IL1RAPL1: variants seen among roughly 807,000 people sequenced by gnomAD.
IL1RAPL1 encodes the protein interleukin 1 receptor accessory protein like 1, also known as interleukin-1 receptor accessory protein-like 1.
A neutral mutation model predicts 48.4 loss-of-function variants in IL1RAPL1; 3 were observed. The ratio of observed to expected loss-of-function variants is 0.06; its 90% CI spans 0.03 to 0.16. The LOEUF (loss-of-function observed/expected upper bound fraction) is 0.16. Ranked by LOEUF, IL1RAPL1 falls within the 10% of genes least tolerant of loss-of-function variation. The pLI is 1.00. For missense variants in IL1RAPL1, 349 were observed against 530.6 expected (o/e 0.66, Z 3.36); for synonymous variants, 185 against 187.7 (o/e 0.99, Z 0.12).
At chrX:29,245,705 A>C (rs892089796) in intron 2 of IL1RAPL1, among the ~76,000 whole-genome samples, 2 of 111,356 alleles carry the variant, frequency 1.8e-5, no homozygotes, top group South Asian at 7.4e-4. Context: ...GATTGCAAAA[A>C]TTTTCTCCCA....
chrX:29,122,093 C>T lies in IL1RAPL1; in HGVS notation c.83-160845C>T, dbSNP rs370542746. The stretch of plus-strand genomic sequence containing the variant: ...TATTCAACAAGCAAGAGTATTCATC[C>T]AGCATTAGGAAAATATTTTATCTTT... On this transcript the variant is annotated intron_variant, in intron 2 of 10. Coordinates refer to ENST00000378993, the MANE Select transcript of IL1RAPL1 (RefSeq NM_014271.4). Among the ~76,000 whole-genome samples, 9 of 110,674 alleles carry T rather than the reference C, an allele frequency of 8.1e-5. No individual in the cohort carries two copies. The South Asian group carries it at 1.5e-3, about 18-fold the overall frequency.
At chrX:28,981,020 G>T (rs1366665237) in intron 2 of IL1RAPL1, among the ~76,000 whole-genome samples, 1 of 92,123 alleles carries the variant, frequency 1.1e-5, no homozygotes, top group Non-Finnish European at 2.1e-5. Flanking sequence ...GAGCCTGGGA[G>T]ATTGAGAGTG....
At chrX:29,891,621 A>G in intron 6 of IL1RAPL1, among the ~76,000 whole-genome samples, 1 of 111,745 alleles carries the variant, frequency 8.9e-6, no homozygotes, top group Middle Eastern at 4.6e-3. Flanking sequence ...AAAGATTATG[A>G]TACACACTCT....
intron 2 of IL1RAPL1, among the ~76,000 whole-genome samples, chrX:29,212,501 G>T (rs188057871): frequency 9.0e-6 from 1 of 110,872 alleles, no homozygotes; most frequent in Non-Finnish European, 1.9e-5. Context: ...TAGAGACGGG[G>T]TTTCTGCATG....
chrX:28,680,773 G>T (rs1294477858), intron 1 of IL1RAPL1, among the ~76,000 whole-genome samples: 1 of 111,849 alleles, frequency 8.9e-6, no homozygotes, highest in African/African-American at 3.2e-5. Flanking sequence ...TGATCGATAT[G>T]TTGAATCATC....
chrX:29,535,699 A>C (rs1921207134), intron 5 of IL1RAPL1, among the ~76,000 whole-genome samples: 1 of 112,299 alleles, frequency 8.9e-6, no homozygotes, highest in Non-Finnish European at 1.9e-5. Context: ...GGATCTCGAT[A>C]AAATATTGAA....
intron 5 of IL1RAPL1, among the ~76,000 whole-genome samples, chrX:29,590,236 A>G (rs1923323570): frequency 9.0e-6 from 1 of 111,495 alleles, no homozygotes; most frequent in African/African-American, 3.3e-5. Flanking sequence ...CCCACTTTCC[A>G]ATACCAGTGA....
At chrX:29,694,026 T>C (rs758806182) in intron 6 of IL1RAPL1, among the ~76,000 whole-genome samples, 2 of 111,814 alleles carry the variant, frequency 1.8e-5, no homozygotes, top group South Asian at 7.5e-4. Context: ...TGTCATCATT[T>C]AAGGAAAACC....
chrX:29,279,874 TACTA>T (rs1461798035), intron 2 of IL1RAPL1, among the ~76,000 whole-genome samples: 1 of 112,195 alleles, frequency 8.9e-6, no homozygotes, highest in Admixed American at 9.5e-5. Flanking sequence ...TCTAATTTGT[TACTA>T]ACTTTTTAAA....
At chrX:29,716,732 A>C (rs1041040283) in intron 6 of IL1RAPL1, among the ~76,000 whole-genome samples, 1 of 111,836 alleles carries the variant, frequency 8.9e-6, no homozygotes, top group Admixed American at 9.5e-5. Flanking sequence ...CTAACAGTAA[A>C]GAGTCTGGCT....
At chrX:29,438,160 A>G (rs954303490) in intron 5 of IL1RAPL1, among the ~76,000 whole-genome samples, 39 of 111,194 alleles carry the variant, frequency 3.5e-4, no homozygotes, top group African/African-American at 1.1e-3. Flanking sequence ...CCAAATTACA[A>G]AGTGTAGAAT....
At chrX:29,628,739 G>A (rs747973571) in intron 5 of IL1RAPL1, among the ~76,000 whole-genome samples, 1 of 111,974 alleles carries the variant, frequency 8.9e-6, no homozygotes, top group Non-Finnish European at 1.9e-5. Flanking sequence ...AGTAGATGGC[G>A]CTATTATTTT....
intron 2 of IL1RAPL1, among the ~76,000 whole-genome samples, chrX:29,080,816 C>T (rs1169189898): frequency 1.2e-4 from 13 of 105,851 alleles, no homozygotes; most frequent in Admixed American, 1.0e-3. Flanking sequence ...GATTTTGGCT[C>T]GCTGCAACCT....
At chrX:29,939,810 A>G (rs1483319889) in intron 8 of IL1RAPL1, among the ~76,000 whole-genome samples, 1 of 111,810 alleles carries the variant, frequency 8.9e-6, no homozygotes, top group East Asian at 2.8e-4. Flanking sequence ...GTTGTTTATT[A>G]AACTGTAGAA....
chrX:29,887,690 G>A (rs890009566), intron 6 of IL1RAPL1, among the ~76,000 whole-genome samples: 6 of 110,890 alleles, frequency 5.4e-5, no homozygotes, highest in African/African-American at 2.0e-4. Context: ...TTTGAGCTAG[G>A]TCAGAATGAT....
chrX:29,299,732 A>G (rs1932503686), intron 3 of IL1RAPL1, among the ~76,000 whole-genome samples: 1 of 112,292 alleles, frequency 8.9e-6, no homozygotes. Context: ...CAGCATGCAT[A>G]CAGATGATTC....
chrX:29,331,425 C>G (rs1184039383), intron 3 of IL1RAPL1, among the ~76,000 whole-genome samples: 1 of 110,886 alleles, frequency 9.0e-6, no homozygotes, highest in Non-Finnish European at 1.9e-5. Flanking sequence ...TAGAAGACCC[C>G]TTTACTTGGC....
At chrX:29,008,324 G>GCCACTACAGGCGCCCA (rs1926037440) in intron 2 of IL1RAPL1, among the ~76,000 whole-genome samples, 2 of 108,219 alleles carry the variant, frequency 1.8e-5, no homozygotes, top group African/African-American at 6.9e-5. Context: ...ACAGGCGCCC[G>GCCACTACAGGCGCCCA]CCACCACGCT....
At chrX:29,215,815 C>G (rs1602116252) in intron 2 of IL1RAPL1, among the ~76,000 whole-genome samples, 1 of 111,347 alleles carries the variant, frequency 9.0e-6, no homozygotes, top group Non-Finnish European at 1.9e-5. Flanking sequence ...TCTTTGCTGT[C>G]ATTTTGTTAT....
Sources: allele counts gnomAD v4.1 joint callset (sites outside exome capture counted in the v4.1 genomes callset), GRCh38; gene constraint gnomAD v4.1.1; transcripts MANE v1.5; gene names NCBI Gene and HGNC (gene_info 2026-07-23, HGNC 2026-07-21).